Variants in PLCB1 observed in about 807,000 individuals in gnomAD.
The protein encoded by PLCB1 is 1-phosphatidylinositol 4,5-bisphosphate phosphodiesterase beta-1.
PLCB1 carries 46 observed loss-of-function variants against 161.8 expected under a neutral mutation model. The observed-to-expected ratio is 0.28, with a 90% CI of 0.22 to 0.36. The LOEUF is 0.36. Among genes scored for constraint, PLCB1 ranks in the 10% least tolerant of loss-of-function variants. The pLI is 1.00. For synonymous variants in PLCB1, 517 were observed against 503.7 expected (o/e 1.03, Z -0.35); for missense variants, 1,016 against 1,472.5 (o/e 0.69, Z 5.07).
intron 31 of PLCB1, among the ~76,000 whole-genome samples, chr20:8,847,944 A>T (rs1986747188): frequency 6.6e-6 from 1 of 152,186 alleles, no homozygotes; most frequent in African/African-American, 2.4e-5. Flanking sequence ...AAAGTCCAAA[A>T]TCAAGGCGCC....
intron 2 of PLCB1, among the ~76,000 whole-genome samples, chr20:8,317,129 G>A (rs1346299914): frequency 6.6e-6 from 1 of 152,150 alleles, no homozygotes; most frequent in Admixed American, 6.6e-5. Flanking sequence ...TGACAGTAAT[G>A]TAGGTGAGCA....
At chr20:8,299,589 C>T (rs1038825392) in intron 2 of PLCB1, among the ~76,000 whole-genome samples, 1 of 152,226 alleles carries the variant, frequency 6.6e-6, no homozygotes, top group Admixed American at 6.5e-5. Context: ...GACATTTCCA[C>T]TTACATGTTT....
At chr20:8,866,789 A>G (rs1987444642) in intron 31 of PLCB1, among the ~76,000 whole-genome samples, 1 of 152,198 alleles carries the variant, frequency 6.6e-6, no homozygotes, top group Admixed American at 6.5e-5. Context: ...AAGCACAACA[A>G]GCAGGCTTCT....
At chr20:8,447,168 C>T (rs1191955908) in intron 3 of PLCB1, among the ~76,000 whole-genome samples, 1 of 152,132 alleles carries the variant, frequency 6.6e-6, no homozygotes, top group Non-Finnish European at 1.5e-5. Flanking sequence ...AGTCAGACCA[C>T]ATATGGTGAC....
At chr20:8,412,770 T>C (rs748186581) in intron 3 of PLCB1, among the ~76,000 whole-genome samples, 1 of 152,192 alleles carries the variant, frequency 6.6e-6, no homozygotes, top group Non-Finnish European at 1.5e-5. Context: ...TCTAGTTATT[T>C]GGTTTGGCCT....
At chr20:8,740,196 C>A in intron 21 of PLCB1, 148 bp from the exon 22 acceptor site, 2 of 561,180 alleles carry the variant, frequency 3.6e-6, no homozygotes, top group Non-Finnish European at 6.2e-6. Flanking sequence ...AATGCCTTAT[C>A]ATTCATAAAT....
chr20:8,754,395 A>G (rs958412800), intron 23 of PLCB1, among the ~76,000 whole-genome samples: 13 of 28,196 alleles, frequency 4.6e-4, no homozygotes, highest in African/African-American at 1.1e-3. Flanking sequence ...TTAGTTGCCA[A>G]AAAAAAAAAA....
At chr20:8,617,564 GT>G (rs1988069691) in intron 3 of PLCB1, among the ~76,000 whole-genome samples, 1 of 151,940 alleles carries the variant, frequency 6.6e-6, no homozygotes, top group Non-Finnish European at 1.5e-5. Context: ...GGCTTTTGTT[GT>G]TGTTGTTTTG....
chr20:8,632,043 T>TTTTTG (rs1988611408), intron 4 of PLCB1, among the ~76,000 whole-genome samples: 4 of 75,102 alleles, frequency 5.3e-5, no homozygotes, highest in African/African-American at 1.7e-4. Context: ...TGCTTTTTTT[T>TTTTTG]TTTTTTTTTT....
At chr20:8,276,098 A>C (rs930201557) in intron 2 of PLCB1, among the ~76,000 whole-genome samples, 2 of 152,158 alleles carry the variant, frequency 1.3e-5, no homozygotes, top group Non-Finnish European at 2.9e-5. Flanking sequence ...TCTAAACCCC[A>C]GCATCTTTAC....
At chr20:8,623,589 C>T (rs1160811823) in intron 3 of PLCB1, among the ~76,000 whole-genome samples, 1 of 151,836 alleles carries the variant, frequency 6.6e-6, no homozygotes, top group African/African-American at 2.4e-5. Context: ...TAGTATGTAC[C>T]CATAGTTGCT....
intron 3 of PLCB1, among the ~76,000 whole-genome samples, chr20:8,436,734 T>C (rs977576068): frequency 1.3e-5 from 2 of 152,140 alleles, no homozygotes; most frequent in Non-Finnish European, 2.9e-5. Context: ...TAGACCAACA[T>C]AGAATATGTG....
chr20:8,197,347 T>C (rs1427025175), intron 2 of PLCB1, among the ~76,000 whole-genome samples: 2 of 152,124 alleles, frequency 1.3e-5, no homozygotes, highest in Non-Finnish European at 2.9e-5. Flanking sequence ...TTTTAATGAT[T>C]GCCATTCTAA....
chr20:8,780,421 G>A (rs4496390), intron 27 of PLCB1, among the ~76,000 whole-genome samples: 41,667 of 151,952 alleles, frequency 0.27, 6,626 homozygotes, highest in Non-Finnish European at 0.37. Context: ...CACAGTTACC[G>A]TATGTGTTAT....
At chr20:8,451,041 A>G (rs1024245331) in intron 3 of PLCB1, among the ~76,000 whole-genome samples, 1 of 152,204 alleles carries the variant, frequency 6.6e-6, no homozygotes, top group Non-Finnish European at 1.5e-5. Flanking sequence ...ATGTTCAAGA[A>G]CTATAACAGT....
chr20:8,866,278 G>A (rs6140781), intron 31 of PLCB1, among the ~76,000 whole-genome samples: 45,596 of 152,044 alleles, frequency 0.3, 7,775 homozygotes, highest in East Asian at 0.65. Context: ...TGGGGGTAAG[G>A]AAAGTGTCTT....
At chr20:8,631,839 AG>A (rs1360988909) in intron 4 of PLCB1, among the ~76,000 whole-genome samples, 3 of 152,194 alleles carry the variant, frequency 2.0e-5, no homozygotes, top group African/African-American at 7.2e-5. Flanking sequence ...GGATGTCTCC[AG>A]GTTCCATTTT....
chr20:8,368,528 C>CAAAAAAAAAAAAAAAAAAAAAA (rs1216338206), intron 2 of PLCB1, among the ~76,000 whole-genome samples: 1 of 63,816 alleles, frequency 1.6e-5, no homozygotes, highest in African/African-American at 6.0e-5. Context: ...CTCTGTCTCT[C>CAAAAAAAAAAAAAAAAAAAAAA]AAAAAAAAAA....
In PLCB1 at chr20:8,725,381, A is replaced by G. The variant is rs182158762; in HGVS notation, c.1678+629A>G. Among the ~76,000 whole-genome samples, 16 of 152,262 alleles carry G rather than the reference A, an allele frequency of 1.1e-4. No homozygotes were observed. In the East Asian group the frequency reaches 3.1e-3, roughly 29 times the overall value. On this transcript the variant is annotated intron_variant, in intron 16 of 31. Coordinates refer to ENST00000338037, the MANE Select transcript of PLCB1 (RefSeq NM_015192.4). ...CCCTTGTATTTGCATGAAGCGTAAGATGCTATCAGATTAAGGGAATCCTTG... is the reference window on the plus strand; with the variant it reads ...CCCTTGTATTTGCATGAAGCGTAAGGTGCTATCAGATTAAGGGAATCCTTG...
Sources: allele counts gnomAD v4.1 joint callset (sites outside exome capture counted in the v4.1 genomes callset), GRCh38; gene constraint gnomAD v4.1.1; transcripts MANE v1.5; gene names NCBI Gene and HGNC (gene_info 2026-07-23, HGNC 2026-07-21).